The following ATG7 variants were observed in gnomAD, a reference collection of about 807,000 sequenced individuals.
ATG7 encodes ubiquitin-like modifier-activating enzyme ATG7.
ATG7 carries 70 observed loss-of-function variants against 82.4 expected under a neutral mutation model. That is an observed-to-expected ratio of 0.85 (90% CI 0.70 to 1.04). The LOEUF (loss-of-function observed/expected upper bound fraction) is 1.04, where lower values mean the gene tolerates loss of function less well. Among genes scored for constraint, ATG7 ranks in the 50% least tolerant of loss-of-function variants. The pLI is 0.00. For missense variants in ATG7, 792 were observed against 864.3 expected (o/e 0.92, Z 1.05); for synonymous variants, 287 against 313.0 (o/e 0.92, Z 0.88).
downstream of ATG7, among the ~76,000 whole-genome samples, chr3:11,561,801 TGACTGTCCTCA>T (rs1179611873): frequency 6.6e-6 from 1 of 151,456 alleles, no homozygotes; most frequent in Non-Finnish European, 1.5e-5. Context: ...CACCCACCTG[TGACTGTCCTCA>T]GACAGAGGCT....
rs1404799202 is a variant in ATG7 at position 11,411,426 on chromosome 3, C to A, written c.1957-15378C>A. On this transcript the variant is annotated intron_variant, in intron 19 of 20. Transcript: ENST00000693202. ...GGATCATGAGGTCAAGAGATGGAGACCATCCTGGCCAACATGGTGAAACCC... is the reference window on the plus strand; with the variant it reads ...GGATCATGAGGTCAAGAGATGGAGAACATCCTGGCCAACATGGTGAAACCC... Among the ~76,000 whole-genome samples, 4 of 151,868 alleles carry A rather than the reference C, an allele frequency of 2.6e-5. No individual in the cohort carries two copies. In the East Asian group the frequency reaches 7.7e-4, roughly 29 times the overall value.
intron 7 of ATG7, among the ~76,000 whole-genome samples, 196 bp from the exon 8 acceptor site, chr3:11,313,108 G>A (rs1420824976): frequency 6.6e-6 from 1 of 152,182 alleles, no homozygotes; most frequent in Non-Finnish European, 1.5e-5. Context: ...GGTGGTATAT[G>A]AGACTATTTT....
the ATG7 span, chr3:11,564,969 C>A: frequency 6.5e-7 from 1 of 1,540,980 alleles, no homozygotes; most frequent in Non-Finnish European, 8.7e-7. Context: ...GATGGGGCTG[C>A]GGCTCCGCTC....
chr3:11,278,283 G>A (rs1046122899), intron 1 of ATG7, among the ~76,000 whole-genome samples: 9 of 152,170 alleles, frequency 5.9e-5, no homozygotes, highest in African/African-American at 1.9e-4. Flanking sequence ...TTTTGGAACT[G>A]ATAAATGTCC....
intron 8 of ATG7, 113 bp from the exon 9 acceptor site, chr3:11,315,231 G>C: frequency 2.1e-6 from 2 of 959,904 alleles, no homozygotes; most frequent in South Asian, 4.3e-5. Context: ...AGAGGAGTGT[G>C]ATCAGTCATT....
At chr3:11,397,121 C>T (rs559727475) in intron 19 of ATG7, among the ~76,000 whole-genome samples, 23 of 152,040 alleles carry the variant, frequency 1.5e-4, no homozygotes, top group African/African-American at 3.6e-4. Flanking sequence ...TAAATGCTGG[C>T]GGTAGAAAGA....
intron 14 of ATG7, among the ~76,000 whole-genome samples, chr3:11,354,904 T>C (rs1352473490): frequency 6.6e-6 from 1 of 152,220 alleles, no homozygotes. Context: ...GAAAGATTTG[T>C]CCCAGCTTAT....
At position 11,474,083 on chromosome 3, in the gene ATG7, T is replaced by C. The variant is rs560593286; in HGVS notation, c.2079+47157T>C. Among the ~76,000 whole-genome samples the C allele has an allele frequency of 7.1e-3, 258 of 36,318 alleles. 1 individual carries two copies. The highest frequency in any genetic ancestry group is 0.013 in the African/African-American group (220 of 16,646). 23.8% of individuals were successfully genotyped at this position (36,318 alleles called of 152,430 possible). On this transcript the variant is annotated intron_variant, in intron 20 of 20. Coordinates refer to ENST00000693202, the MANE Select transcript of ATG7 (RefSeq NM_001349232.2). ...TTGAGTTCAGTTCAGACTTACCAAG[T>C]GTGTAGTAAGCCAAGTGCCACCACC...
chr3:11,521,491 C>A (rs1482419084), intron 20 of ATG7, among the ~76,000 whole-genome samples: 1 of 151,956 alleles, frequency 6.6e-6, no homozygotes, highest in South Asian at 2.1e-4. Context: ...AGGGATCTGC[C>A]CCTGGTCTGC....
At chr3:11,375,707 G>A (rs557049458) in intron 18 of ATG7, among the ~76,000 whole-genome samples, 3 of 152,292 alleles carry the variant, frequency 2.0e-5, no homozygotes, top group African/African-American at 7.2e-5. Context: ...TTACAGGCAT[G>A]TACCACAACA....
At chr3:11,559,522 T>TCCC, downstream of ATG7, 1 of 1,462,222 alleles carries the variant, frequency 6.8e-7, no homozygotes, top group South Asian at 1.4e-5. Context: ...CCTGGGGCCC[T>TCCC]CCCCAGCACC....
chr3:11,486,820 GTTTT>G (rs34251925), intron 20 of ATG7, among the ~76,000 whole-genome samples: 48 of 132,026 alleles, frequency 3.6e-4, no homozygotes, highest in African/African-American at 1.1e-3. Flanking sequence ...CTTTGGTTCT[GTTTT>G]TTTTTTTTTT....
chr3:11,393,740 G>C (rs1240118610), intron 19 of ATG7, among the ~76,000 whole-genome samples: 2 of 152,050 alleles, frequency 1.3e-5, no homozygotes, highest in Non-Finnish European at 2.9e-5. Context: ...GAGTGCAGAG[G>C]TGCGATCTTG....
intron 19 of ATG7, among the ~76,000 whole-genome samples, chr3:11,402,813 C>T (rs1212637508): frequency 4.6e-5 from 7 of 152,140 alleles, no homozygotes; most frequent in African/African-American, 1.7e-4. Flanking sequence ...GTCAGGGTCT[C>T]ATAGCCACCA....
intron 1 of ATG7, among the ~76,000 whole-genome samples, chr3:11,276,388 T>G (rs1398993376): frequency 6.6e-6 from 1 of 152,220 alleles, no homozygotes; most frequent in Non-Finnish European, 1.5e-5. Flanking sequence ...TTTTCTTTTC[T>G]GTTTCATCAA....
chr3:11,443,456 G>T (rs1190766976), intron 20 of ATG7, among the ~76,000 whole-genome samples: 1 of 152,144 alleles, frequency 6.6e-6, no homozygotes, highest in African/African-American at 2.4e-5. Context: ...CACAATCTTG[G>T]CTCACTGCAG....
At chr3:11,372,748 G>C (rs1210346364) in intron 18 of ATG7, among the ~76,000 whole-genome samples, 4 of 151,166 alleles carry the variant, frequency 2.6e-5, no homozygotes, top group Non-Finnish European at 5.9e-5. Context: ...GGCAAGGTTT[G>C]GTCACTCTGA....
chr3:11,349,288 T>C (rs925348362), intron 14 of ATG7, among the ~76,000 whole-genome samples: 5 of 152,168 alleles, frequency 3.3e-5, no homozygotes, highest in African/African-American at 4.8e-5. Context: ...CACCTCTCAC[T>C]AGCACTTTGG....
In ATG7 at chr3:11,282,301, C is replaced by G. The variant is rs1943203650; in HGVS notation, c.-148C>G. 6.6e-6 allele frequency: 1 copy of G among 152,060 alleles called. No homozygotes were observed. Among genetic ancestry groups the G allele is most frequent in the African/African-American group, 2.4e-5 (1 of 41,386 alleles). 9.4% of individuals were successfully genotyped at this position (152,060 alleles called of 1,614,324 possible). The stretch of plus-strand genomic sequence containing the variant: ...TGAAGGATATTATAGCAGAAGGAAA[C>G]CAAAATAAAAGAAAAACAGCTCCTG... On this transcript the variant is annotated 5_prime_UTR_variant, in exon 3 of 21. Transcript: ENST00000693202.
Sources: gnomAD v4.1 joint callset for allele counts (sites outside exome capture counted in the v4.1 genomes callset) on GRCh38, gnomAD v4.1.1 for gene constraint, MANE v1.5 for transcripts, NCBI Gene and HGNC (gene_info 2026-07-23, HGNC 2026-07-21) for gene names.